NEDD4L: variants seen among roughly 807,000 people sequenced by gnomAD.
NEDD4L encodes E3 ubiquitin-protein ligase NEDD4-like.
Under a neutral mutation model 148.9 loss-of-function variants are expected in NEDD4L, and 54 were observed. That is an observed-to-expected ratio of 0.36 (90% CI 0.29 to 0.45). The LOEUF (loss-of-function observed/expected upper bound fraction) is 0.45. NEDD4L is among the 20% of genes least tolerant of loss of function. The probability of loss-of-function intolerance (pLI) is 1.00; values close to 1 mark genes in which losing one functional copy is unlikely to be tolerated. For missense variants in NEDD4L, 856 were observed against 1,233.8 expected, an observed-to-expected ratio of 0.69 and a Z score of 4.59; for synonymous variants, 433 against 440.7, an observed-to-expected ratio of 0.98 and a Z score of 0.22.
Position 58,396,210 on chromosome 18 carries a change from T to G in NEDD4L, c.2869T>G (p.Leu957Val). 6.2e-7 allele frequency: 1 copy of G among 1,613,760 alleles called. No individual in the cohort carries two copies. The highest frequency in any genetic ancestry group is 8.5e-7 in the Non-Finnish European group (1 of 1,179,754). ...DLPPYETFED[L>V]REKLLMAVEN... ...ACCTCCATATGAAACCTTTGAAGAT[T>G]TACGAGAGAAACTTCTCATGGCCGT... The change falls in exon 31 of 31, where the codon TTA (leucine) becomes GTA (valine). Residue 957 changes from leucine (L) to valine (V), a missense_variant. Physicochemically the swap from Leu to Val is conservative, Grantham distance 32. Coordinates refer to ENST00000400345, the MANE Select transcript of NEDD4L (RefSeq NM_001144967.3).
intron 5 of NEDD4L, among the ~76,000 whole-genome samples, chr18:58,283,134 G>A (rs2053412030): frequency 6.6e-6 from 1 of 152,092 alleles, no homozygotes; most frequent in Admixed American, 6.5e-5. Flanking sequence ...GGAGCGCAGT[G>A]GTGCGATCTC....
In NEDD4L at chr18:58,301,835, G is replaced by T. The variant is rs185177881; in HGVS notation, c.298-14147G>T. On this transcript the variant is annotated intron_variant, in intron 5 of 30. Coordinates refer to ENST00000400345, the MANE Select transcript of NEDD4L (RefSeq NM_001144967.3). ...AGGATGACCAAGAAACTGTGCCCAGGCCCCAAGCCCAGCTCTGTCATCAGA... is the reference window on the plus strand; with the variant it reads ...AGGATGACCAAGAAACTGTGCCCAGTCCCCAAGCCCAGCTCTGTCATCAGA... 2.9e-3 allele frequency among the ~76,000 whole-genome samples: 437 copies of T among 152,262 alleles called. 3 individuals are homozygous for T. Among genetic ancestry groups the T allele is most frequent in the Non-Finnish European group, 5.0e-3 (337 of 68,016 alleles).
intron 22 of NEDD4L, among the ~76,000 whole-genome samples, chr18:58,368,324 CAAAT>C (rs1386970255): frequency 6.6e-6 from 1 of 152,084 alleles, no homozygotes; most frequent in Non-Finnish European, 1.5e-5. Flanking sequence ...AACCCTGAAA[CAAAT>C]AACACAAAAT....
Position 58,184,789 on chromosome 18 carries a change from A to G in NEDD4L, c.122+18928A>G, listed in dbSNP as rs567594134. Among the ~76,000 whole-genome samples, 33 of 152,118 alleles carry G rather than the reference A, an allele frequency of 2.2e-4. 2 individuals are homozygous for G. In the South Asian group the frequency reaches 3.3e-3, roughly 15 times the overall value. On this transcript the variant is annotated intron_variant, in intron 2 of 30. Transcript: ENST00000400345. Reference sequence around the variant, plus strand: ...TAAAAATACAAAAAATTAGCTGGGCATGGCGGCGGGCGCCTGTAGTCCCAG... The same window carrying G: ...TAAAAATACAAAAAATTAGCTGGGCGTGGCGGCGGGCGCCTGTAGTCCCAG...
chr18:58,212,546 C>T (rs549472), intron 2 of NEDD4L, among the ~76,000 whole-genome samples: 66,512 of 151,960 alleles, frequency 0.44, 15,836 homozygotes, highest in African/African-American at 0.64. Flanking sequence ...AGTTACCTCC[C>T]ACCGGGTCCC....
At chr18:58,082,102 A>ATTTTTTTTTTTTTTTTTTTTTTTTTTTT (rs1192932128) in intron 1 of NEDD4L, among the ~76,000 whole-genome samples, 4 of 48,856 alleles carry the variant, frequency 8.2e-5, no homozygotes, top group Non-Finnish European at 1.3e-4. Context: ...ATATATATAT[A>ATTTTTTTTTTTTTTTTTTTTTTTTTTTT]TTTTTTTTTT....
chr18:58,072,866 GCGCGCGCACACACA>G (rs1441207035), intron 1 of NEDD4L, among the ~76,000 whole-genome samples: 4 of 118,832 alleles, frequency 3.4e-5, no homozygotes, highest in South Asian at 2.5e-4. Flanking sequence ...AGGCGCGCGC[GCGCGCGCACACACA>G]CACACACACA....
intron 2 of NEDD4L, among the ~76,000 whole-genome samples, chr18:58,199,477 C>T (rs2041150678): frequency 6.6e-6 from 1 of 152,148 alleles, no homozygotes; most frequent in African/African-American, 2.4e-5. Flanking sequence ...TACTGGTTGA[C>T]CGTATACGAA....
intron 24 of NEDD4L, among the ~76,000 whole-genome samples, chr18:58,382,869 A>G (rs2048530651): frequency 6.6e-6 from 1 of 152,258 alleles, no homozygotes; most frequent in Admixed American, 6.5e-5. Flanking sequence ...TAATTTTCAG[A>G]AACAGAATGC....
chr18:58,326,871 C>G (rs909942997), intron 9 of NEDD4L, among the ~76,000 whole-genome samples: 8 of 152,176 alleles, frequency 5.3e-5, no homozygotes, highest in African/African-American at 1.9e-4. Flanking sequence ...TGAGAAAACA[C>G]TTCATACATT....
At chr18:58,245,130 T>C (rs2047103192) in intron 2 of NEDD4L, among the ~76,000 whole-genome samples, 1 of 152,258 alleles carries the variant, frequency 6.6e-6, no homozygotes, top group Admixed American at 6.5e-5. Flanking sequence ...AGCTAAATTT[T>C]GTAAAGTCTG....
intron 1 of NEDD4L, among the ~76,000 whole-genome samples, chr18:58,143,797 G>A (rs2033811759): frequency 6.6e-6 from 1 of 152,178 alleles, no homozygotes; most frequent in Non-Finnish European, 1.5e-5. Flanking sequence ...CGAAGGAAGG[G>A]AGAAGAGAGG....
chr18:58,309,096 C>A (rs1346371468), intron 5 of NEDD4L, among the ~76,000 whole-genome samples: 1 of 152,214 alleles, frequency 6.6e-6, no homozygotes, highest in African/African-American at 2.4e-5. Flanking sequence ...GTTTAATGTC[C>A]TCATGTGTCT....
chr18:58,370,751 A>G (rs890677117), intron 23 of NEDD4L, among the ~76,000 whole-genome samples: 1 of 152,268 alleles, frequency 6.6e-6, no homozygotes, highest in African/African-American at 2.4e-5. Flanking sequence ...TCCAAGAGAC[A>G]GCTGAAGATC....
chr18:58,376,306 A>G (rs2047550884), intron 24 of NEDD4L, among the ~76,000 whole-genome samples: 1 of 152,170 alleles, frequency 6.6e-6, no homozygotes, highest in African/African-American at 2.4e-5. Flanking sequence ...AATGTTGTGA[A>G]TTCTTCTGAC....
intron 2 of NEDD4L, among the ~76,000 whole-genome samples, chr18:58,202,335 T>C (rs533224866): frequency 1.3e-5 from 2 of 152,360 alleles, no homozygotes; most frequent in East Asian, 3.9e-4. Context: ...CCTCTGCCTA[T>C]TATTGGCCAG....
At chr18:58,299,511 G>A (rs941430491) in intron 5 of NEDD4L, among the ~76,000 whole-genome samples, 1 of 152,190 alleles carries the variant, frequency 6.6e-6, no homozygotes, top group Non-Finnish European at 1.5e-5. Flanking sequence ...GTACCTTTGT[G>A]TATACTAAAT....
In NEDD4L at chr18:58,333,806, C is replaced by T; in HGVS notation, c.991-12C>T. ...ATTTCTTGATGCTTCCTGTCTTTTC[C>T]TCTCCTTCCAGCAAAGAGAACCCTC... On this transcript the variant is annotated splice_polypyrimidine_tract_variant and intron_variant, in intron 11 of 30. Coordinates refer to ENST00000400345, the MANE Select transcript of NEDD4L (RefSeq NM_001144967.3). 1 of 1,609,648 alleles carries T rather than the reference C, an allele frequency of 6.2e-7. No homozygotes were observed. The highest frequency in any genetic ancestry group is 8.5e-7 in the Non-Finnish European group (1 of 1,176,092).
intron 1 of NEDD4L, among the ~76,000 whole-genome samples, chr18:58,083,989 T>C (rs894801365): frequency 6.6e-6 from 1 of 152,086 alleles, no homozygotes; most frequent in East Asian, 1.9e-4. Context: ...CCTCAGCCCC[T>C]CAAAGTGCTG....
Sources: allele counts gnomAD v4.1 joint callset (sites outside exome capture counted in the v4.1 genomes callset), GRCh38; gene constraint gnomAD v4.1.1; transcripts MANE v1.5; gene names NCBI Gene and HGNC (gene_info 2026-07-23, HGNC 2026-07-21).